The following LRBA variants were observed in gnomAD, a reference collection of about 807,000 sequenced individuals.
LRBA encodes LPS responsive beige-like anchor protein, also known as lipopolysaccharide-responsive and beige-like anchor protein.
LRBA carries 176 observed loss-of-function variants against 330.0 expected under a neutral mutation model. The ratio of observed to expected loss-of-function variants is 0.53; its 90% CI spans 0.47 to 0.60. The LOEUF (loss-of-function observed/expected upper bound fraction) is 0.60. Among genes scored for constraint, LRBA ranks in the 20% least tolerant of loss-of-function variants. LRBA has a pLI of 0.00. For synonymous variants in LRBA, 1,230 were observed against 1,193.0 expected (o/e 1.03, Z -0.64); for missense variants, 3,259 against 3,444.8 (o/e 0.95, Z 1.35).
intron 36 of LRBA, among the ~76,000 whole-genome samples, chr4:150,686,518 T>C (rs1360469031): frequency 6.6e-6 from 1 of 152,206 alleles, no homozygotes; most frequent in African/African-American, 2.4e-5. Context: ...GATATGTCAT[T>C]TTTTATATAT....
rs988101163 is a variant in LRBA at position 150,961,198 on chromosome 4, C to T, written c.217-32133G>A. 4.7e-5 allele frequency among the ~76,000 whole-genome samples: 7 copies of T among 149,174 alleles called. 1 individual carries two copies. The highest frequency in any genetic ancestry group is 1.8e-4 in the African/African-American group (7 of 38,602). ...CACTGCCTTGGTTTTGAGGGTCAAA[C>T]CCAGGCTCAAACAGGTGGGGGAGGA... On this transcript the variant is annotated intron_variant, in intron 2 of 56. Transcript: ENST00000651943.
chr4:150,545,282 A>G (rs747802119), intron 40 of LRBA, among the ~76,000 whole-genome samples: 18 of 152,214 alleles, frequency 1.2e-4, no homozygotes, highest in Non-Finnish European at 2.1e-4. Context: ...TAAAATAAAT[A>G]CAAAAGTTTA....
At chr4:150,743,646 T>C (rs1221836904) in intron 35 of LRBA, among the ~76,000 whole-genome samples, 1 of 152,178 alleles carries the variant, frequency 6.6e-6, no homozygotes, top group Non-Finnish European at 1.5e-5. Flanking sequence ...CTAGGCCCAT[T>C]TGTTTAAGTG....
intron 36 of LRBA, among the ~76,000 whole-genome samples, chr4:150,706,795 C>T (rs1198950812): frequency 6.6e-6 from 1 of 151,416 alleles, no homozygotes; most frequent in Non-Finnish European, 1.5e-5. Flanking sequence ...GACATGCTCA[C>T]AGAAAGGGAA....
intron 31 of LRBA, among the ~76,000 whole-genome samples, chr4:150,811,862 A>G (rs1380737105): frequency 6.6e-6 from 1 of 152,184 alleles, no homozygotes; most frequent in Non-Finnish European, 1.5e-5. Context: ...TGTGAAAAAG[A>G]AAAGCAACAT....
At chr4:150,816,326 T>A (rs1489719228) in intron 31 of LRBA, among the ~76,000 whole-genome samples, 1 of 152,000 alleles carries the variant, frequency 6.6e-6, no homozygotes, top group Non-Finnish European at 1.5e-5. Flanking sequence ...TTATTAACTT[T>A]AAGAAACAGC....
intron 37 of LRBA, among the ~76,000 whole-genome samples, chr4:150,624,816 TACA>T (rs1416128766): frequency 2.0e-5 from 3 of 152,184 alleles, no homozygotes; most frequent in African/African-American, 4.8e-5. Context: ...CATAAATATG[TACA>T]ACTTTTGTCA....
At chr4:150,560,365 T>G (rs1057165443) in intron 40 of LRBA, among the ~76,000 whole-genome samples, 7 of 152,234 alleles carry the variant, frequency 4.6e-5, no homozygotes, top group African/African-American at 1.7e-4. Context: ...GTGATAAGCA[T>G]GTGATGAGAC....
At chr4:150,725,309 G>T (rs1470451960) in intron 36 of LRBA, among the ~76,000 whole-genome samples, 2 of 151,996 alleles carry the variant, frequency 1.3e-5, no homozygotes, top group African/African-American at 4.8e-5. Context: ...TAATCTAAAG[G>T]TCAAGAATAA....
At chr4:150,814,383 A>G (rs1227770249) in intron 31 of LRBA, among the ~76,000 whole-genome samples, 1 of 152,084 alleles carries the variant, frequency 6.6e-6, no homozygotes, top group Non-Finnish European at 1.5e-5. Flanking sequence ...GCGGCAGAAG[A>G]GTAAGAAGCA....
At position 150,905,903 on chromosome 4, in the gene LRBA, G is replaced by A; in HGVS notation, c.1690C>T (p.Leu564=). Residue 564 remains leucine, a synonymous_variant, in exon 13 of 57, where the codon CTG becomes TTG. Coordinates refer to ENST00000651943, the MANE Select transcript of LRBA (RefSeq NM_001364905.1). ...ACGTGATCACACAATTGCTTGAGCAGGGGCATCCCATTCTGCAGATTACTC... is the reference window on the plus strand; with the variant it reads ...ACGTGATCACACAATTGCTTGAGCAAGGGCATCCCATTCTGCAGATTACTC... The part of the protein sequence containing the change: ...YLSNLQNGMP[L]LKQLCDHVLL... 6.2e-7 allele frequency: 1 copy of A among 1,613,720 alleles called. No homozygotes were observed. Among genetic ancestry groups the A allele is most frequent in the Non-Finnish European group, 8.5e-7 (1 of 1,179,718 alleles).
At chr4:150,785,049 G>A (rs528457181) in intron 34 of LRBA, among the ~76,000 whole-genome samples, 24 of 152,322 alleles carry the variant, frequency 1.6e-4, no homozygotes, top group East Asian at 1.9e-4. Context: ...CCTGCTGTGC[G>A]TGAGATAAGA....
At chr4:150,559,941 T>G (rs1237190329) in intron 40 of LRBA, among the ~76,000 whole-genome samples, 1 of 106,468 alleles carries the variant, frequency 9.4e-6, no homozygotes, top group Non-Finnish European at 1.8e-5. Context: ...TATATATATC[T>G]ATATAAATAT....
At chr4:150,364,955 A>G (rs540237314) in intron 47 of LRBA, among the ~76,000 whole-genome samples, 5 of 152,006 alleles carry the variant, frequency 3.3e-5, no homozygotes, top group African/African-American at 1.2e-4. Flanking sequence ...AATGTATATC[A>G]TAAATATATA....
At chr4:151,002,398 C>T (rs1434690090) in intron 2 of LRBA, among the ~76,000 whole-genome samples, 1 of 151,324 alleles carries the variant, frequency 6.6e-6, no homozygotes, top group African/African-American at 2.4e-5. Flanking sequence ...GAAACCCCCC[C>T]CACTAAAAAT....
In LRBA at chr4:150,850,905, A is replaced by C. The variant is rs1457484082; in HGVS notation, c.3826-3T>G. 1 of 1,593,856 alleles carries C rather than the reference A, an allele frequency of 6.3e-7. No individual in the cohort carries two copies. Among genetic ancestry groups the C allele is most frequent in the East Asian group, 2.2e-5 (1 of 44,528 alleles). ...GGCTGCTCATGTTGCCTTGATATCTAATACAGAAATTTAAAAAGTAATAAA... is the reference window on the plus strand; with the variant it reads ...GGCTGCTCATGTTGCCTTGATATCTCATACAGAAATTTAAAAAGTAATAAA... On this transcript the variant is annotated splice_polypyrimidine_tract_variant and splice_region_variant and intron_variant, in intron 23 of 56. Coordinates refer to ENST00000651943, the MANE Select transcript of LRBA (RefSeq NM_001364905.1).
intron 37 of LRBA, among the ~76,000 whole-genome samples, chr4:150,648,997 C>T (rs1407535158): frequency 1.3e-5 from 2 of 152,122 alleles, no homozygotes; most frequent in Admixed American, 1.3e-4. Flanking sequence ...TAACCAGTAC[C>T]TTCTTGGTTC....
chr4:150,337,071 G>T (rs1161252422), intron 48 of LRBA, among the ~76,000 whole-genome samples: 1 of 152,026 alleles, frequency 6.6e-6, no homozygotes, highest in African/African-American at 2.4e-5. Context: ...ACACAGTAAA[G>T]GTCTTAAAGG....
At chr4:150,816,511 T>G (rs1397495312) in intron 31 of LRBA, among the ~76,000 whole-genome samples, 1 of 151,902 alleles carries the variant, frequency 6.6e-6, no homozygotes, top group Non-Finnish European at 1.5e-5. Flanking sequence ...AAATAATTTT[T>G]TATCCATATA....
Sources: gnomAD v4.1 joint callset for allele counts (sites outside exome capture counted in the v4.1 genomes callset) on GRCh38, gnomAD v4.1.1 for gene constraint, MANE v1.5 for transcripts, NCBI Gene and HGNC (gene_info 2026-07-23, HGNC 2026-07-21) for gene names.